Variants in PALLD observed in about 807,000 individuals in gnomAD.
PALLD encodes palladin, cytoskeletal associated protein, also known as palladin.
In PALLD, 61 loss-of-function variants were observed where a neutral mutation model predicts 123.5. The observed-to-expected ratio is 0.49, with a 90% confidence interval of 0.40 to 0.61. The LOEUF is 0.61. Ranked by LOEUF, PALLD falls within the 20% of genes least tolerant of loss-of-function variation. The pLI, the probability that PALLD is intolerant of heterozygous loss-of-function variation, is 0.00. For missense variants in PALLD, 1,273 were observed against 1,377.0 expected (o/e 0.92, Z 1.20); for synonymous variants, 465 against 496.4 (o/e 0.94, Z 0.84).
intron 10 of PALLD, among the ~76,000 whole-genome samples, chr4:168,856,318 A>C (rs1748602592): frequency 1.3e-5 from 2 of 152,178 alleles, no homozygotes; most frequent in African/African-American, 2.4e-5. Flanking sequence ...TACATGTACC[A>C]TGTGGGGTTT....
intron 10 of PALLD, among the ~76,000 whole-genome samples, chr4:168,827,187 A>G (rs1269348943): frequency 6.6e-6 from 1 of 152,198 alleles, no homozygotes; most frequent in Non-Finnish European, 1.5e-5. Context: ...AAAAGTTGTG[A>G]ACAAACCAAA....
chr4:168,642,245 A>T (rs1367139887), intron 2 of PALLD, among the ~76,000 whole-genome samples: 2 of 152,278 alleles, frequency 1.3e-5, no homozygotes, highest in Non-Finnish European at 2.9e-5. Flanking sequence ...TGATGAAAAA[A>T]AGTTTTTAGA....
At position 168,772,974 on chromosome 4, in the gene PALLD, G is replaced by T. The variant is rs17542778; in HGVS notation, c.1964+61051G>T. Reference sequence around the variant, plus strand: ...GCATGGAGTGGGTCACTGGCTGGACGTTTAATGGGTTTACATTATTCCTTA... The same window carrying T: ...GCATGGAGTGGGTCACTGGCTGGACTTTTAATGGGTTTACATTATTCCTTA... On this transcript the variant is annotated intron_variant, in intron 10 of 21. Coordinates refer to ENST00000505667, the MANE Select transcript of PALLD (RefSeq NM_001166108.2). Among the ~76,000 whole-genome samples, 615 of 152,240 alleles carry T rather than the reference G, an allele frequency of 4.0e-3. 1 individual carries two copies. The highest frequency in any genetic ancestry group is 7.7e-3 in the Non-Finnish European group (526 of 68,024).
chr4:168,879,500 A>G lies in PALLD; in HGVS notation c.1965-11422A>G, dbSNP rs115150430. 4.4e-3 allele frequency among the ~76,000 whole-genome samples: 666 copies of G among 152,318 alleles called. 4 individuals are homozygous for G. Among genetic ancestry groups the G allele is most frequent in the African/African-American group, 0.015 (637 of 41,564 alleles). ...AGAGAGAAAAAGAAGGAACTCTACTAAACAGTAAAAAGGAGAAGATCTTAG... is the reference window on the plus strand; with the variant it reads ...AGAGAGAAAAAGAAGGAACTCTACTGAACAGTAAAAAGGAGAAGATCTTAG... On this transcript the variant is annotated intron_variant, in intron 10 of 21. Transcript: ENST00000505667.
chr4:168,871,315 CAG>C (rs1475079063), intron 10 of PALLD, among the ~76,000 whole-genome samples: 1 of 152,124 alleles, frequency 6.6e-6, no homozygotes, highest in African/African-American at 2.4e-5. Flanking sequence ...CATTGGAAGA[CAG>C]AAAGTGAAAT....
intron 13 of PALLD, among the ~76,000 whole-genome samples, chr4:168,897,054 C>A (rs531467692): frequency 6.6e-6 from 1 of 152,300 alleles, no homozygotes; most frequent in South Asian, 2.1e-4. Flanking sequence ...TGGTCTCGAA[C>A]TTCTGACCTC....
intron 2 of PALLD, among the ~76,000 whole-genome samples, chr4:168,570,705 G>A (rs1245061951): frequency 2.0e-5 from 3 of 152,140 alleles, no homozygotes; most frequent in East Asian, 3.8e-4. Flanking sequence ...ATTAAGGAAA[G>A]CAATAAGGCT....
intron 2 of PALLD, among the ~76,000 whole-genome samples, chr4:168,525,904 C>T (rs1235120036): frequency 1.3e-5 from 2 of 152,164 alleles, no homozygotes; most frequent in African/African-American, 4.8e-5. Context: ...CACTGTGTAA[C>T]CTATAATAAT....
At chr4:168,674,906 T>G (rs143725584) in intron 3 of PALLD, among the ~76,000 whole-genome samples, 2 of 151,986 alleles carry the variant, frequency 1.3e-5, no homozygotes, top group South Asian at 2.1e-4. Flanking sequence ...AAGAAGATAG[T>G]GCAAGAGAGA....
At chr4:168,630,229 C>G (rs1042171872) in intron 2 of PALLD, among the ~76,000 whole-genome samples, 15 of 152,182 alleles carry the variant, frequency 9.9e-5, no homozygotes. Context: ...CATTGTGATG[C>G]CTTTCAGATA....
chr4:168,654,830 A>G (rs1187510217), intron 2 of PALLD: 9 of 152,212 alleles, frequency 5.9e-5, no homozygotes, highest in Non-Finnish European at 1.5e-5. Flanking sequence ...TTTGATCAAA[A>G]TGGTTGGGAG....
chr4:168,763,936 T>A (rs980213478), intron 10 of PALLD, among the ~76,000 whole-genome samples: 1 of 152,104 alleles, frequency 6.6e-6, no homozygotes, highest in African/African-American at 2.4e-5. Context: ...TTCTTCTAGG[T>A]CAAATAACAA....
At chr4:168,660,504 C>G (rs1405983436) in intron 2 of PALLD, among the ~76,000 whole-genome samples, 2 of 152,082 alleles carry the variant, frequency 1.3e-5, no homozygotes, top group East Asian at 3.8e-4. Context: ...ATAATGTGAT[C>G]CTTGAATTTT....
chr4:168,535,161 A>G (rs982835709), intron 2 of PALLD, among the ~76,000 whole-genome samples: 3 of 152,202 alleles, frequency 2.0e-5, no homozygotes, highest in Admixed American at 1.3e-4. Flanking sequence ...GAACTTGAGC[A>G]TCTCTGAATT....
chr4:168,659,191 T>C (rs1000165701), intron 2 of PALLD, among the ~76,000 whole-genome samples: 8 of 152,360 alleles, frequency 5.3e-5, no homozygotes, highest in East Asian at 3.9e-4. Flanking sequence ...AAACTTATCT[T>C]GGGCATCACT....
At chr4:168,804,488 G>A (rs2150701341) in intron 10 of PALLD, among the ~76,000 whole-genome samples, 1 of 152,336 alleles carries the variant, frequency 6.6e-6, no homozygotes, top group Middle Eastern at 3.4e-3. Flanking sequence ...CTCATCCTAT[G>A]AGTCTCTGCC....
In PALLD at chr4:168,628,825, G is replaced by C. The variant is rs76140742; in HGVS notation, c.909-39365G>C. Among the ~76,000 whole-genome samples, 70 of 152,284 alleles carry C rather than the reference G, an allele frequency of 4.6e-4. 4 individuals are homozygous for C. The East Asian group carries it at 0.014, about 29-fold the overall frequency. On this transcript the variant is annotated intron_variant, in intron 2 of 21. Transcript: ENST00000505667. The stretch of plus-strand genomic sequence containing the variant: ...CCCAAGATATAAATGCCAAGGGACA[G>C]AAAGTTTTGTCAGCTTGTCCCCTGC...
intron 2 of PALLD, chr4:168,537,926 A>G (rs781380327): frequency 2.0e-5 from 3 of 152,246 alleles, no homozygotes; most frequent in Non-Finnish European, 4.4e-5. Flanking sequence ...GGCCACATTC[A>G]TGTTTAACCT....
chr4:168,877,341 T>C (rs1751885138), intron 10 of PALLD, among the ~76,000 whole-genome samples: 1 of 152,336 alleles, frequency 6.6e-6, no homozygotes, highest in South Asian at 2.1e-4. Flanking sequence ...ATAGAATTCT[T>C]TTACCAAAAA....
Sources: allele counts gnomAD v4.1 joint callset (sites outside exome capture counted in the v4.1 genomes callset), GRCh38; gene constraint gnomAD v4.1.1; transcripts MANE v1.5; gene names NCBI Gene and HGNC (gene_info 2026-07-23, HGNC 2026-07-21).